The following SPCS2 variants were observed in gnomAD, a reference collection of about 807,000 sequenced individuals.
SPCS2 encodes SPase 25 kDa subunit.
A neutral mutation model predicts 22.3 loss-of-function variants in SPCS2; 3 were observed. The ratio of observed to expected loss-of-function variants is 0.13; its 90% CI spans 0.06 to 0.35. SPCS2 has a LOEUF of 0.35. SPCS2 is among the 10% of genes least tolerant of loss of function. The probability of loss-of-function intolerance (pLI) is 1.00; values close to 1 mark genes in which losing one functional copy is unlikely to be tolerated. For missense variants in SPCS2, 169 were observed against 280.9 expected (o/e 0.60, Z 2.85); for synonymous variants, 67 against 97.2 (o/e 0.69, Z 1.83).
At chr11:74,976,278 T>C (rs1250371185) in intron 4 of SPCS2, among the ~76,000 whole-genome samples, 1 of 152,162 alleles carries the variant, frequency 6.6e-6, no homozygotes. Context: ...AAAAGAAACC[T>C]CCCAGTCTAG....
intron 4 of SPCS2, among the ~76,000 whole-genome samples, chr11:74,976,278 TC>T (rs1188241399): frequency 1.3e-5 from 2 of 152,162 alleles, no homozygotes; most frequent in Non-Finnish European, 2.9e-5. Context: ...AAAAGAAACC[TC>T]CCAGTCTAGT....
intron 2 of SPCS2, 110 bp downstream of exon 2, chr11:74,965,227 A>G: frequency 1.4e-6 from 1 of 725,194 alleles, no homozygotes; most frequent in Non-Finnish European, 2.2e-6. Flanking sequence ...AGTGTTAGAA[A>G]TTAAGTCAGA....
chr11:74,959,101 A>T (rs970327502), intron 1 of SPCS2, among the ~76,000 whole-genome samples: 14 of 152,148 alleles, frequency 9.2e-5, no homozygotes, highest in African/African-American at 3.4e-4. Flanking sequence ...GGGATAAAGG[A>T]GAGAAAAAGT....
At chr11:74,970,980 C>CA (rs971793491) in intron 4 of SPCS2, among the ~76,000 whole-genome samples, 143 of 148,618 alleles carry the variant, frequency 9.6e-4, no homozygotes, top group Middle Eastern at 3.4e-3. Context: ...TTCATCACCT[C>CA]AAAAAAAAAA....
At chr11:74,975,159 T>G (rs1948607936) in intron 4 of SPCS2, among the ~76,000 whole-genome samples, 1 of 152,058 alleles carries the variant, frequency 6.6e-6, no homozygotes, top group Admixed American at 6.6e-5. Flanking sequence ...CTCTCCCACT[T>G]CATTCTGTTC....
At chr11:74,949,529 A>C in intron 1 of SPCS2, 130 bp downstream of exon 1, 1 of 801,304 alleles carries the variant, frequency 1.2e-6, no homozygotes, top group Non-Finnish European at 2.1e-6. Context: ...CCACTATCAC[A>C]ACCCTACGCA....
intron 1 of SPCS2, among the ~76,000 whole-genome samples, chr11:74,954,851 T>G (rs866114117): frequency 6.6e-6 from 1 of 152,132 alleles, no homozygotes; most frequent in South Asian, 2.1e-4. Context: ...CTAGACTATA[T>G]AAAGAATTTT....
At chr11:74,953,535 G>A (rs1948458877) in intron 1 of SPCS2, among the ~76,000 whole-genome samples, 1 of 152,142 alleles carries the variant, frequency 6.6e-6, no homozygotes, top group African/African-American at 2.4e-5. Context: ...TTTGGGCGGG[G>A]AGGGTTTTTA....
At chr11:74,949,511 T>A (rs1377762008) in intron 1 of SPCS2, 112 bp downstream of exon 1, 2 of 940,302 alleles carry the variant, frequency 2.1e-6, no homozygotes. Flanking sequence ...AGGGGAGCCC[T>A]TGTGTGACCA....
At chr11:74,960,360 G>A (rs1253339729) in intron 1 of SPCS2, among the ~76,000 whole-genome samples, 1 of 152,108 alleles carries the variant, frequency 6.6e-6, no homozygotes, top group East Asian at 1.9e-4. Flanking sequence ...CTCTTCAGTG[G>A]GTGGTGTAGG....
chr11:74,949,602 T>A (rs1047483006), intron 1 of SPCS2: 4 of 627,382 alleles, frequency 6.4e-6, no homozygotes, highest in African/African-American at 5.4e-5. Flanking sequence ...CTTTAGAACT[T>A]CTTCTTTTCT....
intron 1 of SPCS2, among the ~76,000 whole-genome samples, chr11:74,950,868 A>C (rs1395710178): frequency 6.6e-6 from 1 of 152,178 alleles, no homozygotes; most frequent in Non-Finnish European, 1.5e-5. Flanking sequence ...ACCTTAAGAT[A>C]CAGAAACATA....
intron 4 of SPCS2, among the ~76,000 whole-genome samples, chr11:74,972,430 T>G (rs1948589983): frequency 6.6e-6 from 1 of 152,196 alleles, no homozygotes; most frequent in African/African-American, 2.4e-5. Flanking sequence ...CTATAATTAT[T>G]TAATATCTGT....
At chr11:74,953,565 G>A (rs1422856185) in intron 1 of SPCS2, among the ~76,000 whole-genome samples, 2 of 152,122 alleles carry the variant, frequency 1.3e-5, no homozygotes, top group African/African-American at 4.8e-5. Flanking sequence ...TGCAGCTGTA[G>A]TTTCACTTGC....
At chr11:74,971,871 T>A (rs1335855039) in intron 4 of SPCS2, among the ~76,000 whole-genome samples, 2 of 152,216 alleles carry the variant, frequency 1.3e-5, no homozygotes, top group African/African-American at 4.8e-5. Context: ...AAATACATTC[T>A]CTTACTCTGG....
At chr11:74,950,235 A>G (rs1948373377) in intron 1 of SPCS2, among the ~76,000 whole-genome samples, 1 of 152,210 alleles carries the variant, frequency 6.6e-6, no homozygotes, top group Non-Finnish European at 1.5e-5. Flanking sequence ...TGACCTTGAA[A>G]TATGCTTGCT....
intron 1 of SPCS2, among the ~76,000 whole-genome samples, chr11:74,956,635 A>G (rs1444185835): frequency 6.6e-6 from 1 of 152,046 alleles, no homozygotes; most frequent in Non-Finnish European, 1.5e-5. Context: ...GCTCCGTTAC[A>G]TTTTGTTCTC....
At chr11:74,951,164 G>T (rs752640546) in intron 1 of SPCS2, among the ~76,000 whole-genome samples, 1 of 152,196 alleles carries the variant, frequency 6.6e-6, no homozygotes, top group African/African-American at 2.4e-5. Context: ...TAAGATTTCA[G>T]CTTTGAAGTA....
At chr11:74,967,018 C>T (rs1948550532) in intron 3 of SPCS2, among the ~76,000 whole-genome samples, 1 of 152,224 alleles carries the variant, frequency 6.6e-6, no homozygotes, top group Admixed American at 6.5e-5. Context: ...GCTGGGATTA[C>T]AGGCATAAGC....
Sources: allele counts gnomAD v4.1 joint callset (sites outside exome capture counted in the v4.1 genomes callset), GRCh38; gene constraint gnomAD v4.1.1; transcripts MANE v1.5; gene names NCBI Gene and HGNC (gene_info 2026-07-23, HGNC 2026-07-21).